Variants in WLS observed in about 807,000 individuals in gnomAD.
WLS encodes the protein protein wntless homolog.
Under a neutral mutation model 62.8 loss-of-function variants are expected in WLS, and 23 were observed. That is an observed-to-expected ratio of 0.37 (90% CI 0.26 to 0.52). WLS has a LOEUF of 0.52. Among genes scored for constraint, WLS ranks in the 20% least tolerant of loss-of-function variants. The pLI is 0.92. For missense variants in WLS, 615 were observed against 697.3 expected, an observed-to-expected ratio of 0.88 and a Z score of 1.33; for synonymous variants, 246 against 244.1, an observed-to-expected ratio of 1.01 and a Z score of -0.07.
intron 2 of WLS, among the ~76,000 whole-genome samples, chr1:68,168,152 C>A (rs771976596): frequency 6.6e-6 from 1 of 151,954 alleles, no homozygotes; most frequent in East Asian, 1.9e-4. Flanking sequence ...TCTAGTGTCC[C>A]CAAGAAATCT....
At chr1:68,194,938 TA>T (rs1294696033) in intron 1 of WLS, among the ~76,000 whole-genome samples, 1 of 152,222 alleles carries the variant, frequency 6.6e-6, no homozygotes, top group Non-Finnish European at 1.5e-5. Flanking sequence ...ATATAATGGT[TA>T]TATGATTATA....
chr1:68,193,939 GGA>G lies in WLS; in HGVS notation c.379+14_379+15del, dbSNP rs761142177. 1.2e-6 allele frequency: 2 copies of G among 1,608,562 alleles called. No individual in the cohort carries two copies. Among genetic ancestry groups the G allele is most frequent in the Non-Finnish European group, 1.7e-6 (2 of 1,176,340 alleles). ...GCTCAAAGGGAAGAAAGGGATGAGA[GGA>G]GAGTACACTTAACTGATTTGGTTGT... On this transcript the variant is annotated intron_variant, in intron 2 of 11. Coordinates refer to ENST00000262348, the MANE Select transcript of WLS (RefSeq NM_024911.7).
chr1:68,198,459 T>A (rs1166831791), intron 1 of WLS, among the ~76,000 whole-genome samples: 1 of 152,334 alleles, frequency 6.6e-6, no homozygotes. Context: ...CATTTAATGT[T>A]AAAGTGATAT....
chr1:68,215,821 T>C (rs1571026632), intron 1 of WLS, among the ~76,000 whole-genome samples: 1 of 152,288 alleles, frequency 6.6e-6, no homozygotes, highest in South Asian at 2.1e-4. Flanking sequence ...ATTAATAAAG[T>C]GGGCAACAAT....
At chr1:68,229,153 G>A (rs1158083579) in intron 1 of WLS, among the ~76,000 whole-genome samples, 2 of 152,148 alleles carry the variant, frequency 1.3e-5, no homozygotes, top group Non-Finnish European at 2.9e-5. Flanking sequence ...AAGCCTGCTA[G>A]TTAACTCACT....
chr1:68,174,639 A>C (rs1470317156), intron 2 of WLS, among the ~76,000 whole-genome samples: 1 of 151,790 alleles, frequency 6.6e-6, no homozygotes, highest in African/African-American at 2.4e-5. Context: ...GTTAAGCTGG[A>C]CTCCCTTTCT....
intron 11 of WLS, among the ~76,000 whole-genome samples, chr1:68,105,759 T>G (rs1008068928): frequency 1.3e-5 from 2 of 152,136 alleles, no homozygotes; most frequent in Non-Finnish European, 2.9e-5. Flanking sequence ...CTGCCTGAAC[T>G]GCTAGAAATA....
chr1:68,210,448 T>C (rs1649467626), intron 1 of WLS, among the ~76,000 whole-genome samples: 1 of 152,182 alleles, frequency 6.6e-6, no homozygotes, highest in African/African-American at 2.4e-5. Flanking sequence ...TACAATGCAG[T>C]CATGGAAGCC....
At chr1:68,203,475 G>A (rs1649133761) in intron 1 of WLS, among the ~76,000 whole-genome samples, 1 of 152,194 alleles carries the variant, frequency 6.6e-6, no homozygotes, top group Non-Finnish European at 1.5e-5. Context: ...CACTCAAAGG[G>A]AGCCAGCAAG....
chr1:68,115,278 T>C (rs1280424449), intron 11 of WLS, among the ~76,000 whole-genome samples: 1 of 152,166 alleles, frequency 6.6e-6, no homozygotes, highest in Non-Finnish European at 1.5e-5. Flanking sequence ...GCTTCCAGAT[T>C]GCACCAACAC....
rs1035160804 is a variant in WLS, at chr1:68,213,529, G to C, written c.106+18665C>G. Reference sequence around the variant, plus strand: ...TATACCAAAGAGATAAATGGGGCTAGAGCCAGAACTCTTGATACTCTGCTC... The same window carrying C: ...TATACCAAAGAGATAAATGGGGCTACAGCCAGAACTCTTGATACTCTGCTC... On this transcript the variant is annotated intron_variant, in intron 1 of 11. Transcript: ENST00000262348. Among the ~76,000 whole-genome samples the C allele has an allele frequency of 1.3e-5, 2 of 151,124 alleles. 1 individual carries two copies. The highest frequency in any genetic ancestry group is 1.3e-4 in the Admixed American group (2 of 15,188).
chr1:68,101,879 G>A (rs148336582), intron 11 of WLS, among the ~76,000 whole-genome samples: 63 of 152,296 alleles, frequency 4.1e-4, no homozygotes, highest in Middle Eastern at 6.8e-3. Flanking sequence ...CAAAAAATAC[G>A]CTCTTAAAAT....
intron 3 of WLS, among the ~76,000 whole-genome samples, chr1:68,155,933 A>G (rs1646891253): frequency 6.6e-6 from 1 of 152,204 alleles, no homozygotes; most frequent in Non-Finnish European, 1.5e-5. Flanking sequence ...CCAAGATGGC[A>G]GAAGGGAATA....
intron 11 of WLS, chr1:68,127,100 C>A (rs1015087938): frequency 2.5e-6 from 1 of 404,234 alleles, no homozygotes; most frequent in Non-Finnish European, 4.9e-6. Flanking sequence ...GAGGCTGAGG[C>A]AGGAGGATCA....
rs187306187 is a variant in WLS at position 68,225,183 on chromosome 1, G to C, written c.106+7011C>G. Among the ~76,000 whole-genome samples, 33 of 152,026 alleles carry C rather than the reference G, an allele frequency of 2.2e-4. No homozygotes were observed. In the East Asian group the frequency reaches 6.2e-3, roughly 29 times the overall value. ...TAGTCAGGGATAGAATGTGGGGGGT[G>C]GGGGGAAGAGGTGGTAGTAAGAGGC... is the stretch of plus-strand genomic sequence containing the variant. On this transcript the variant is annotated intron_variant, in intron 1 of 11. Coordinates refer to ENST00000262348, the MANE Select transcript of WLS (RefSeq NM_024911.7).
At chr1:68,169,358 T>C (rs759039490) in intron 2 of WLS, among the ~76,000 whole-genome samples, 1 of 152,186 alleles carries the variant, frequency 6.6e-6, no homozygotes, top group Non-Finnish European at 1.5e-5. Context: ...ACATCAATTT[T>C]TTTAAATAAA....
intron 1 of WLS, among the ~76,000 whole-genome samples, chr1:68,203,836 G>C (rs960817619): frequency 1.3e-5 from 2 of 152,166 alleles, no homozygotes; most frequent in African/African-American, 2.4e-5. Context: ...TTTGACTCAG[G>C]AAAGGGTGGG....
Position 68,125,974 on chromosome 1 carries a change from C to A in WLS, c.*252G>T, listed in dbSNP as rs1012953390. 11 of 1,202,638 alleles carry A rather than the reference C, an allele frequency of 9.1e-6. No homozygotes were observed. The highest frequency in any genetic ancestry group is 3.4e-4 in the Middle Eastern group (1 of 2,942). The allele number at this position is 1,202,638 out of a possible 1,614,324, so 74.5% of individuals were successfully genotyped here. ...CAGATGTTACTATGTCACTAATTAA[C>A]AATGATCACAGAAAATGTGTCATAC... is the stretch of plus-strand genomic sequence containing the variant. On this transcript the variant is annotated 3_prime_UTR_variant, in exon 12 of 12. Coordinates refer to ENST00000262348, the MANE Select transcript of WLS (RefSeq NM_024911.7).
At chr1:68,135,897 T>C (rs1460152159) in intron 11 of WLS, among the ~76,000 whole-genome samples, 1 of 152,060 alleles carries the variant, frequency 6.6e-6, no homozygotes, top group East Asian at 1.9e-4. Context: ...TTACTAGAAA[T>C]GGAAAGGAAG....
Sources: allele counts gnomAD v4.1 joint callset (sites outside exome capture counted in the v4.1 genomes callset), GRCh38; gene constraint gnomAD v4.1.1; transcripts MANE v1.5; gene names NCBI Gene and HGNC (gene_info 2026-07-23, HGNC 2026-07-21).